Variants in AGBL1 observed in about 807,000 individuals in gnomAD.
The protein encoded by AGBL1 is AGBL carboxypeptidase 1.
Under a neutral mutation model 118.9 loss-of-function variants are expected in AGBL1, and 130 were observed. The observed-to-expected ratio is 1.09, with a 90% CI of 0.95 to 1.26. The LOEUF (loss-of-function observed/expected upper bound fraction) is 1.26, where lower values mean the gene tolerates loss of function less well. Ranked by LOEUF, AGBL1 falls within the 50% of genes most tolerant of loss-of-function variation. AGBL1 has a pLI of 0.00. For synonymous variants in AGBL1, 555 were observed against 478.9 expected, an observed-to-expected ratio of 1.16 and a Z score of -2.08; for missense variants, 1,584 against 1,298.1, an observed-to-expected ratio of 1.22 and a Z score of -3.38.
chr15:86,194,930 T>C (rs992578070), intron 5 of AGBL1, among the ~76,000 whole-genome samples: 3 of 152,228 alleles, frequency 2.0e-5, no homozygotes, highest in African/African-American at 7.2e-5. Flanking sequence ...GATACAAATA[T>C]ACTGTCTGAC....
intron 21 of AGBL1, among the ~76,000 whole-genome samples, chr15:86,670,662 A>ATATG (rs1396187666): frequency 2.0e-5 from 3 of 148,472 alleles, no homozygotes; most frequent in African/African-American, 7.4e-5. Context: ...ATATATATAT[A>ATATG]TAGCAAACTT....
chr15:86,393,303 G>T (rs1221920451), intron 17 of AGBL1, among the ~76,000 whole-genome samples: 1 of 152,126 alleles, frequency 6.6e-6, no homozygotes, highest in Non-Finnish European at 1.5e-5. Context: ...GTTGTACTAG[G>T]TATATCAGGC....
chr15:86,197,204 C>T (rs1325517574), intron 5 of AGBL1, among the ~76,000 whole-genome samples: 1 of 152,140 alleles, frequency 6.6e-6, no homozygotes, highest in African/African-American at 2.4e-5. Flanking sequence ...TTTTGAGGTG[C>T]ATGCCAGAAA....
At chr15:86,528,340 G>A (rs540358244) in intron 19 of AGBL1, among the ~76,000 whole-genome samples, 114 of 152,314 alleles carry the variant, frequency 7.5e-4, no homozygotes, top group African/African-American at 2.7e-3. Context: ...TCAAAGAAAG[G>A]GGTGACGGAC....
intron 21 of AGBL1, among the ~76,000 whole-genome samples, chr15:86,616,537 A>G (rs2084728856): frequency 6.6e-6 from 1 of 152,070 alleles, no homozygotes; most frequent in African/African-American, 2.4e-5. Context: ...CAATGGGTAA[A>G]TATAGAACTA....
At chr15:86,719,451 G>A (rs972065189) in intron 22 of AGBL1, among the ~76,000 whole-genome samples, 5 of 152,174 alleles carry the variant, frequency 3.3e-5, no homozygotes, top group Non-Finnish European at 7.3e-5. Flanking sequence ...CATCCTTATA[G>A]TGAAGGTTGA....
At chr15:86,378,656 T>G (rs1489159150) in intron 17 of AGBL1, among the ~76,000 whole-genome samples, 1 of 150,728 alleles carries the variant, frequency 6.6e-6, no homozygotes, top group Non-Finnish European at 1.5e-5. Flanking sequence ...CTGTCTCCTT[T>G]AATTTTTACA....
chr15:86,280,256 G>T (rs2079329295), intron 16 of AGBL1, among the ~76,000 whole-genome samples: 1 of 152,136 alleles, frequency 6.6e-6, no homozygotes, highest in Non-Finnish European at 1.5e-5. Flanking sequence ...CATCTCCAGT[G>T]GTTCCAATGA....
chr15:86,670,708 G>A (rs1426906318), intron 21 of AGBL1, among the ~76,000 whole-genome samples: 1 of 149,784 alleles, frequency 6.7e-6, no homozygotes, highest in Non-Finnish European at 1.5e-5. Flanking sequence ...TTACATATAT[G>A]TAATAGTCTA....
At chr15:86,938,608 T>A (rs1464436651) in intron 23 of AGBL1, among the ~76,000 whole-genome samples, 2 of 152,066 alleles carry the variant, frequency 1.3e-5, no homozygotes, top group Non-Finnish European at 2.9e-5. Context: ...CCAGGATACC[T>A]AACAAAATTG....
intron 22 of AGBL1, among the ~76,000 whole-genome samples, chr15:86,817,694 G>A (rs1238752159): frequency 6.6e-6 from 1 of 151,802 alleles, no homozygotes; most frequent in Non-Finnish European, 1.5e-5. Flanking sequence ...AGAGTGCTGG[G>A]AGAGGGTATG....
chr15:86,732,884 T>A (rs533910335), intron 22 of AGBL1, among the ~76,000 whole-genome samples: 173 of 151,058 alleles, frequency 1.1e-3, no homozygotes, highest in African/African-American at 3.9e-3. Flanking sequence ...TAGATAGATA[T>A]ATAGCTATAG....
chr15:86,544,474 G>T (rs914928975), intron 19 of AGBL1, among the ~76,000 whole-genome samples: 1 of 152,184 alleles, frequency 6.6e-6, no homozygotes, highest in African/African-American at 2.4e-5. Context: ...GTGAGACTAG[G>T]TAATTTGTAA....
intron 22 of AGBL1, among the ~76,000 whole-genome samples, chr15:86,691,666 G>GA (rs1203467371): frequency 6.6e-6 from 1 of 152,094 alleles, no homozygotes; most frequent in East Asian, 1.9e-4. Context: ...TCATAGGCAT[G>GA]AAATCCTTCT....
chr15:86,610,831 C>T (rs2084645343), intron 21 of AGBL1, among the ~76,000 whole-genome samples: 1 of 152,012 alleles, frequency 6.6e-6, no homozygotes, highest in African/African-American at 2.4e-5. Context: ...TTTTGTCTTT[C>T]ATAAAGTATT....
chr15:86,713,770 A>G (rs546845036), intron 22 of AGBL1, among the ~76,000 whole-genome samples: 1 of 152,184 alleles, frequency 6.6e-6, no homozygotes, highest in South Asian at 2.1e-4. Context: ...GCTAAAGTGA[A>G]CAGGCTAGAG....
At chr15:86,527,714 C>G (rs572309546) in intron 19 of AGBL1, among the ~76,000 whole-genome samples, 1 of 152,266 alleles carries the variant, frequency 6.6e-6, no homozygotes, top group African/African-American at 2.4e-5. Flanking sequence ...TCCACCGGTT[C>G]TAGATACTAT....
intron 5 of AGBL1, among the ~76,000 whole-genome samples, chr15:86,189,546 A>G (rs1409267688): frequency 6.6e-6 from 1 of 152,126 alleles, no homozygotes; most frequent in Admixed American, 6.5e-5. Context: ...GCTCATGGTA[A>G]CGAGTTGGTT....
At chr15:86,580,240 C>T (rs2084154868) in intron 21 of AGBL1, among the ~76,000 whole-genome samples, 1 of 152,192 alleles carries the variant, frequency 6.6e-6, no homozygotes. Flanking sequence ...GCTTATTCTT[C>T]TGTGCACTCC....
Sources: allele counts gnomAD v4.1 joint callset (sites outside exome capture counted in the v4.1 genomes callset), GRCh38; gene constraint gnomAD v4.1.1; transcripts MANE v1.5; gene names NCBI Gene and HGNC (gene_info 2026-07-23, HGNC 2026-07-21).